Variants in ANKS1B observed in about 807,000 individuals in gnomAD.
ANKS1B encodes the protein ankyrin repeat and sterile alpha motif domain containing 1B, also known as ankyrin repeat and sterile alpha motif domain-containing protein 1B.
In ANKS1B, 36 loss-of-function variants were observed where a neutral mutation model predicts 148.3. The observed-to-expected ratio is 0.24, with a 90% CI of 0.19 to 0.32. ANKS1B has a LOEUF of 0.32. Ranked by LOEUF, ANKS1B falls within the 10% of genes least tolerant of loss-of-function variation. The pLI, the probability that ANKS1B is intolerant of heterozygous loss-of-function variation, is 1.00. For missense variants in ANKS1B, 1,157 were observed against 1,542.6 expected (o/e 0.75, Z 4.19); for synonymous variants, 542 against 560.8 (o/e 0.97, Z 0.47).
intron 12 of ANKS1B, among the ~76,000 whole-genome samples, chr12:99,372,728 T>A (rs1186303959): frequency 6.6e-6 from 1 of 152,132 alleles, no homozygotes; most frequent in African/African-American, 2.4e-5. Flanking sequence ...TGGCTCTGCA[T>A]AAAATGTTAC....
At chr12:99,762,513 C>T (rs76243365) in intron 8 of ANKS1B, among the ~76,000 whole-genome samples, 157 of 152,164 alleles carry the variant, frequency 1.0e-3, no homozygotes, top group African/African-American at 3.7e-3. Flanking sequence ...TACCTTTCAT[C>T]ATACACAACA....
At chr12:99,209,206 C>G (rs1352494801) in intron 14 of ANKS1B, among the ~76,000 whole-genome samples, 1 of 152,100 alleles carries the variant, frequency 6.6e-6, no homozygotes, top group Non-Finnish European at 1.5e-5. Context: ...AAGGTTCCAG[C>G]AAAACAAAAC....
chr12:98,879,738 T>C (rs1374939556), intron 17 of ANKS1B, among the ~76,000 whole-genome samples: 3 of 152,192 alleles, frequency 2.0e-5, no homozygotes, highest in Admixed American at 6.5e-5. Flanking sequence ...AAATACCACA[T>C]AGTACAGATA....
At chr12:99,335,213 T>C (rs369699107) in intron 12 of ANKS1B, among the ~76,000 whole-genome samples, 9 of 152,152 alleles carry the variant, frequency 5.9e-5, no homozygotes, top group African/African-American at 1.9e-4. Flanking sequence ...TTTTCATTTT[T>C]AATTTTCATG....
At chr12:98,812,897 G>A (rs2099109245) in intron 19 of ANKS1B, among the ~76,000 whole-genome samples, 1 of 152,122 alleles carries the variant, frequency 6.6e-6, no homozygotes, top group Admixed American at 6.6e-5. Flanking sequence ...TACCGCAGTA[G>A]TTTTGTTAGC....
At chr12:99,199,114 A>C (rs2081745564) in intron 14 of ANKS1B, among the ~76,000 whole-genome samples, 1 of 152,162 alleles carries the variant, frequency 6.6e-6, no homozygotes, top group African/African-American at 2.4e-5. Flanking sequence ...AAACTTTCAG[A>C]TGACTGCATC....
intron 8 of ANKS1B, among the ~76,000 whole-genome samples, chr12:99,704,509 T>C (rs2055397349): frequency 6.6e-6 from 1 of 152,100 alleles, no homozygotes; most frequent in African/African-American, 2.4e-5. Flanking sequence ...TATTTGTATA[T>C]GTATTTCTAG....
chr12:99,907,618 G>C (rs942929478), intron 1 of ANKS1B, among the ~76,000 whole-genome samples: 1 of 152,108 alleles, frequency 6.6e-6, no homozygotes, highest in African/African-American at 2.4e-5. Flanking sequence ...GATGGACACT[G>C]TGCTACTTCC....
intron 1 of ANKS1B, among the ~76,000 whole-genome samples, chr12:99,900,505 C>CAAAAAAAA (rs71303560): frequency 1.4e-5 from 1 of 70,722 alleles, no homozygotes; most frequent in African/African-American, 4.0e-5. Flanking sequence ...GACTCCATCT[C>CAAAAAAAA]AAAAAAAAAA....
At chr12:99,776,639 C>T (rs1016950538) in intron 6 of ANKS1B, among the ~76,000 whole-genome samples, 1 of 152,040 alleles carries the variant, frequency 6.6e-6, no homozygotes, top group Non-Finnish European at 1.5e-5. Flanking sequence ...ACCAAAACTC[C>T]AGAGTTTGAG....
intron 9 of ANKS1B, among the ~76,000 whole-genome samples, chr12:99,587,214 T>G (rs1010280553): frequency 6.6e-6 from 1 of 152,124 alleles, no homozygotes; most frequent in African/African-American, 2.4e-5. Flanking sequence ...TTCCAACATA[T>G]CTTAACATCA....
chr12:99,449,769 G>GT (rs2095696545), intron 10 of ANKS1B, among the ~76,000 whole-genome samples: 1 of 152,140 alleles, frequency 6.6e-6, no homozygotes, highest in South Asian at 2.1e-4. Flanking sequence ...TTTGAGAGCA[G>GT]TATCTTTTAG....
chr12:98,951,361 A>C (rs1008705063), intron 17 of ANKS1B, among the ~76,000 whole-genome samples: 2 of 152,180 alleles, frequency 1.3e-5, no homozygotes, highest in Non-Finnish European at 2.9e-5. Context: ...GTTTTCATAG[A>C]ACACTGCTGT....
At chr12:98,905,152 C>G (rs2099777198) in intron 17 of ANKS1B, among the ~76,000 whole-genome samples, 2 of 152,176 alleles carry the variant, frequency 1.3e-5, no homozygotes, top group South Asian at 4.1e-4. Context: ...GGTTCATTGA[C>G]TAGCTCAAGG....
Position 99,891,261 on chromosome 12 carries a change from C to T in ANKS1B, c.135-65872G>A, listed in dbSNP as rs552444881. 4.6e-5 allele frequency among the ~76,000 whole-genome samples: 7 copies of T among 152,238 alleles called. No homozygotes were observed. In the South Asian group the frequency reaches 1.5e-3, roughly 32 times the overall value. On this transcript the variant is annotated intron_variant, in intron 1 of 26. Transcript: ENST00000683438. ...CCAGCAATGAAGGTTCCACGTTCTC[C>T]ATATCAATGCCAAAATTTATTATTG...
At chr12:98,877,684 G>T (rs1298929934) in intron 17 of ANKS1B, among the ~76,000 whole-genome samples, 1 of 152,180 alleles carries the variant, frequency 6.6e-6, no homozygotes, top group East Asian at 1.9e-4. Flanking sequence ...AGTTCTGAAA[G>T]AATTCAAGCT....
chr12:98,784,097 C>T (rs1471621684), intron 22 of ANKS1B, among the ~76,000 whole-genome samples: 1 of 152,158 alleles, frequency 6.6e-6, no homozygotes, highest in Non-Finnish European at 1.5e-5. Context: ...ATAAGGAATA[C>T]TGGAGGGGAA....
At chr12:99,744,289 A>G (rs1181561269) in intron 8 of ANKS1B, among the ~76,000 whole-genome samples, 1 of 152,240 alleles carries the variant, frequency 6.6e-6, no homozygotes, top group African/African-American at 2.4e-5. Context: ...AGTCAATGTA[A>G]TATTTTTCAA....
At chr12:99,207,549 CAT>C (rs988266497) in intron 14 of ANKS1B, among the ~76,000 whole-genome samples, 1 of 151,930 alleles carries the variant, frequency 6.6e-6, no homozygotes, top group African/African-American at 2.4e-5. Flanking sequence ...TGAGGAAGCA[CAT>C]GTTTCTAGAA....
Sources: allele counts gnomAD v4.1 joint callset (sites outside exome capture counted in the v4.1 genomes callset), GRCh38; gene constraint gnomAD v4.1.1; transcripts MANE v1.5; gene names NCBI Gene and HGNC (gene_info 2026-07-23, HGNC 2026-07-21).